LRRC4C: variants seen among roughly 807,000 people sequenced by gnomAD.
LRRC4C encodes leucine-rich repeat-containing protein 4C.
Under a neutral mutation model 33.6 loss-of-function variants are expected in LRRC4C, and 5 were observed. That is an observed-to-expected ratio of 0.15 (90% CI 0.08 to 0.31). LRRC4C has a LOEUF of 0.31. Among genes scored for constraint, LRRC4C ranks in the 10% least tolerant of loss-of-function variants. The pLI is 1.00. For synonymous variants in LRRC4C, 329 were observed against 302.0 expected, an observed-to-expected ratio of 1.09 and a Z score of -0.93; for missense variants, 560 against 796.7, an observed-to-expected ratio of 0.70 and a Z score of 3.58.
chr11:40,200,973 C>G (rs1862699703), intron 5 of LRRC4C, among the ~76,000 whole-genome samples: 1 of 152,110 alleles, frequency 6.6e-6, no homozygotes, highest in South Asian at 2.1e-4. Context: ...AATATACCCT[C>G]TCTGAAGTAG....
intron 2 of LRRC4C, among the ~76,000 whole-genome samples, chr11:40,738,126 T>C (rs1947977641): frequency 6.6e-6 from 1 of 152,176 alleles, no homozygotes; most frequent in Non-Finnish European, 1.5e-5. Context: ...GGGGAAAGGA[T>C]TCCCTATCTA....
rs1405101412 is a variant in LRRC4C at position 40,592,729 on chromosome 11, C to A, written c.-270+55413G>T. 2.0e-5 allele frequency among the ~76,000 whole-genome samples: 3 copies of A among 152,070 alleles called. No homozygotes were observed. The East Asian group carries it at 5.8e-4, about 29-fold the overall frequency. On this transcript the variant is annotated intron_variant, in intron 3 of 6. Coordinates refer to ENST00000528697, the MANE Select transcript of LRRC4C (RefSeq NM_001258419.2). ...CTTTCCTTCCAGTGTTCCAAGACAC[C>A]CTGTCATCTCCCACTCTGGCATGCA...
intron 3 of LRRC4C, among the ~76,000 whole-genome samples, chr11:40,346,721 AAAC>A (rs1458276323): frequency 7.2e-5 from 11 of 152,228 alleles, no homozygotes; most frequent in African/African-American, 2.2e-4. Context: ...TTTTAAAAGC[AAAC>A]AACATGAATC....
intron 3 of LRRC4C, among the ~76,000 whole-genome samples, chr11:40,402,913 A>G (rs1330518401): frequency 1.3e-5 from 2 of 152,088 alleles, no homozygotes; most frequent in South Asian, 2.1e-4. Context: ...GTTCCACTAT[A>G]CCACATAACC....
intron 2 of LRRC4C, among the ~76,000 whole-genome samples, chr11:40,764,586 C>T (rs1025558904): frequency 3.9e-5 from 6 of 152,064 alleles, no homozygotes; most frequent in African/African-American, 1.4e-4. Context: ...TCTCCACTTA[C>T]TGACTGTAGA....
chr11:40,749,786 A>G (rs1333880232), intron 2 of LRRC4C, among the ~76,000 whole-genome samples: 3 of 152,132 alleles, frequency 2.0e-5, no homozygotes, highest in Non-Finnish European at 2.9e-5. Flanking sequence ...AAACATCACA[A>G]CTGATGTCAA....
At chr11:41,189,590 A>T (rs1325991431) in intron 1 of LRRC4C, among the ~76,000 whole-genome samples, 1 of 152,172 alleles carries the variant, frequency 6.6e-6, no homozygotes, top group South Asian at 2.1e-4. Flanking sequence ...ATGCAGCAGG[A>T]TTAGAAAGAA....
At chr11:41,111,116 A>G (rs1227436846) in intron 1 of LRRC4C, among the ~76,000 whole-genome samples, 1 of 152,110 alleles carries the variant, frequency 6.6e-6, no homozygotes, top group African/African-American at 2.4e-5. Flanking sequence ...GAAAGGCATT[A>G]TTATTATCGG....
chr11:40,453,728 C>T (rs147767580), intron 3 of LRRC4C, among the ~76,000 whole-genome samples: 15 of 151,768 alleles, frequency 9.9e-5, no homozygotes, highest in African/African-American at 3.4e-4. Flanking sequence ...TGTATATGCA[C>T]ATTATATGAC....
At chr11:40,457,214 T>A (rs1426787452) in intron 3 of LRRC4C, among the ~76,000 whole-genome samples, 1 of 151,192 alleles carries the variant, frequency 6.6e-6, no homozygotes, top group Non-Finnish European at 1.5e-5. Context: ...TTGATTGATA[T>A]GAAGTAGAGA....
At chr11:41,441,274 T>G (rs1006383605) in intron 1 of LRRC4C, among the ~76,000 whole-genome samples, 31 of 152,214 alleles carry the variant, frequency 2.0e-4, no homozygotes, top group South Asian at 1.0e-3. Context: ...CGTTTATTTT[T>G]TGTGTGTGTG....
At chr11:41,193,424 A>T (rs1347900266) in intron 1 of LRRC4C, among the ~76,000 whole-genome samples, 1 of 152,098 alleles carries the variant, frequency 6.6e-6, no homozygotes, top group Non-Finnish European at 1.5e-5. Flanking sequence ...ACCCCAATAG[A>T]CCAAGCATCA....
chr11:40,566,086 G>GTTTTTTT, intron 3 of LRRC4C, among the ~76,000 whole-genome samples: 57 of 62,756 alleles, frequency 9.1e-4, no homozygotes, highest in African/African-American at 3.3e-3. Flanking sequence ...TTTTTACTAA[G>GTTTTTTT]TTTTTTTTTT....
chr11:40,816,218 C>T (rs182124260), intron 2 of LRRC4C, among the ~76,000 whole-genome samples: 1 of 152,248 alleles, frequency 6.6e-6, no homozygotes, highest in Non-Finnish European at 1.5e-5. Flanking sequence ...TAATTCTAGG[C>T]CACTAGAGGT....
intron 1 of LRRC4C, among the ~76,000 whole-genome samples, chr11:41,238,367 TTAA>T (rs1948110919): frequency 1.3e-5 from 2 of 152,116 alleles, no homozygotes; most frequent in African/African-American, 4.8e-5. Flanking sequence ...TGACCTATAT[TTAA>T]TAATAATTAA....
At chr11:41,090,120 A>G (rs1013601302) in intron 1 of LRRC4C, among the ~76,000 whole-genome samples, 1 of 152,136 alleles carries the variant, frequency 6.6e-6, no homozygotes, top group Non-Finnish European at 1.5e-5. Flanking sequence ...CTGCAAGGAA[A>G]GCCTGATTGA....
At chr11:41,073,347 T>C (rs541141035) in intron 1 of LRRC4C, among the ~76,000 whole-genome samples, 1 of 152,142 alleles carries the variant, frequency 6.6e-6, no homozygotes, top group South Asian at 2.1e-4. Context: ...TTTTAACAAC[T>C]GGCTTTCTCT....
chr11:41,098,995 G>T (rs1349631101), intron 1 of LRRC4C, among the ~76,000 whole-genome samples: 1 of 151,978 alleles, frequency 6.6e-6, no homozygotes, highest in Non-Finnish European at 1.5e-5. Context: ...TAATGATAAA[G>T]GGGACTTTAC....
At chr11:41,437,425 G>GCACACACACACA (rs58445388) in intron 1 of LRRC4C, among the ~76,000 whole-genome samples, 2 of 149,158 alleles carry the variant, frequency 1.3e-5, no homozygotes, top group African/African-American at 5.0e-5. Context: ...GCGCGCGCGC[G>GCACACACACACA]CACACACACA....
Sources: gnomAD v4.1 joint callset for allele counts (sites outside exome capture counted in the v4.1 genomes callset) on GRCh38, gnomAD v4.1.1 for gene constraint, MANE v1.5 for transcripts, NCBI Gene and HGNC (gene_info 2026-07-23, HGNC 2026-07-21) for gene names.